FGF14: variants seen among roughly 807,000 people sequenced by gnomAD.
FGF14 encodes the protein fibroblast growth factor homologous factor 4.
In FGF14, 5 loss-of-function variants were observed where a neutral mutation model predicts 25.5. The observed-to-expected ratio is 0.20, with a 90% confidence interval of 0.10 to 0.41. The LOEUF (loss-of-function observed/expected upper bound fraction) is 0.41. Among genes scored for constraint, FGF14 ranks in the 10% least tolerant of loss-of-function variants. The pLI, the probability that FGF14 is intolerant of heterozygous loss-of-function variation, is 1.00. For synonymous variants in FGF14, 138 were observed against 118.3 expected, an observed-to-expected ratio of 1.17 and a Z score of -1.08; for missense variants, 222 against 320.1, an observed-to-expected ratio of 0.69 and a Z score of 2.34.
At chr13:102,004,653 G>GA (rs2039685064) in intron 1 of FGF14, among the ~76,000 whole-genome samples, 1 of 152,140 alleles carries the variant, frequency 6.6e-6, no homozygotes, top group African/African-American at 2.4e-5. Context: ...TGCCTTTGGA[G>GA]AAACAGGCTG....
intron 1 of FGF14, among the ~76,000 whole-genome samples, chr13:101,932,254 G>T (rs1292356947): frequency 6.6e-6 from 1 of 152,090 alleles, no homozygotes; most frequent in Non-Finnish European, 1.5e-5. Context: ...TCCAGGCCGG[G>T]TGCAGTGGCT....
chr13:102,057,885 G>C (rs116830760), intron 1 of FGF14, among the ~76,000 whole-genome samples: 1,626 of 152,252 alleles, frequency 0.011, 39 homozygotes, highest in African/African-American at 0.037. Flanking sequence ...TTCTCCAAGT[G>C]CTGAATGTTG....
At chr13:101,872,065 A>T (rs1445713278) in intron 2 of FGF14, among the ~76,000 whole-genome samples, 1 of 151,836 alleles carries the variant, frequency 6.6e-6, no homozygotes, top group African/African-American at 2.4e-5. Context: ...TCTTTTTTTC[A>T]TTCTAAATAT....
chr13:101,806,473 A>AT lies in FGF14; in HGVS notation c.408+62251_408+62252insA, dbSNP rs1594316999. Among the ~76,000 whole-genome samples the AT allele has an allele frequency of 7.9e-5, 12 of 151,746 alleles. No individual in the cohort carries two copies. The South Asian group carries it at 1.5e-3, about 18-fold the overall frequency. On this transcript the variant is annotated intron_variant, in intron 3 of 4. Coordinates refer to ENST00000376143, the MANE Select transcript of FGF14 (RefSeq NM_004115.4). ...AATATATGTATATGTACATTGAGAA[A>AT]ATTTTTTTTTTTGTTTTCATTCCAA...
chr13:102,268,472 TA>T (rs2053097423), intron 1 of FGF14, among the ~76,000 whole-genome samples: 1 of 152,068 alleles, frequency 6.6e-6, no homozygotes, highest in East Asian at 1.9e-4. Flanking sequence ...AAAAGTTATG[TA>T]AGTTATAATA....
intron 1 of FGF14, among the ~76,000 whole-genome samples, chr13:102,047,522 C>G (rs112531466): frequency 0.04 from 6,131 of 152,188 alleles, 403 homozygotes; most frequent in African/African-American, 0.14. Flanking sequence ...AGTTCACGTC[C>G]TTTGCAGGGA....
chr13:102,149,847 C>T (rs766194093), intron 1 of FGF14, among the ~76,000 whole-genome samples: 1 of 152,156 alleles, frequency 6.6e-6, no homozygotes, highest in Non-Finnish European at 1.5e-5. Context: ...TCCTTTAAAC[C>T]ATCTCTTCTT....
chr13:101,944,958 A>G (rs1182884194), intron 1 of FGF14, among the ~76,000 whole-genome samples: 1 of 152,160 alleles, frequency 6.6e-6, no homozygotes, highest in Non-Finnish European at 1.5e-5. Flanking sequence ...AGTTCTAGAG[A>G]TGAATGGCTG....
chr13:102,083,754 A>C (rs1053782584), intron 1 of FGF14, among the ~76,000 whole-genome samples: 3 of 152,226 alleles, frequency 2.0e-5, no homozygotes, highest in Non-Finnish European at 4.4e-5. Flanking sequence ...CCGCGGGCAC[A>C]CTTTCTTGTG....
intron 1 of FGF14, among the ~76,000 whole-genome samples, chr13:102,359,011 C>A (rs1475078945): frequency 6.6e-6 from 1 of 152,128 alleles, no homozygotes; most frequent in Non-Finnish European, 1.5e-5. Context: ...AGATCATGTC[C>A]TTTGCAGGAA....
chr13:102,014,485 T>G (rs1365964824), intron 1 of FGF14, among the ~76,000 whole-genome samples: 1 of 152,166 alleles, frequency 6.6e-6, no homozygotes, highest in East Asian at 1.9e-4. Context: ...TCATCGCAAG[T>G]GCATTGACTT....
At chr13:102,201,073 C>T (rs2049611399) in intron 1 of FGF14, among the ~76,000 whole-genome samples, 1 of 129,828 alleles carries the variant, frequency 7.7e-6, no homozygotes, top group South Asian at 2.6e-4. Context: ...TGCACTCCAG[C>T]TTGGGCGACA....
intron 1 of FGF14, among the ~76,000 whole-genome samples, chr13:102,376,032 C>T (rs1287835612): frequency 2.0e-5 from 3 of 152,220 alleles, no homozygotes; most frequent in Non-Finnish European, 4.4e-5. Context: ...AATAAAAATG[C>T]GTGGCTGGGC....
rs571626684 is a variant in FGF14 at position 102,361,141 on chromosome 13, T to G, written c.208+40330A>C. 2.6e-5 allele frequency among the ~76,000 whole-genome samples: 4 copies of G among 152,310 alleles called. No individual in the cohort carries two copies. The East Asian group carries it at 7.7e-4, about 29-fold the overall frequency. The stretch of plus-strand genomic sequence containing the variant: ...TATATAATACAGCAATATTAATTGA[T>G]ATGCTCTTTTTTGAGCATCTCATTT... On this transcript the variant is annotated intron_variant, in intron 1 of 4. Transcript: ENST00000376131.
Position 102,128,419 on chromosome 13 carries a change from G to T in FGF14, c.209-253123C>A, listed in dbSNP as rs562734337. The stretch of plus-strand genomic sequence containing the variant: ...CAAGTAGAGGTAGGAGGTCCCCGCG[G>T]TGTTACTGTTAACAGAAAGCTGAAG... On this transcript the variant is annotated intron_variant, in intron 1 of 4. Coordinates refer to the FGF14 transcript ENST00000376131. Among the ~76,000 whole-genome samples, 5 of 152,196 alleles carry T rather than the reference G, an allele frequency of 3.3e-5. No homozygotes were observed. In the South Asian group the frequency reaches 1.0e-3, roughly 32 times the overall value.
intron 1 of FGF14, among the ~76,000 whole-genome samples, chr13:102,265,774 T>TGAG (rs1211861284): frequency 6.6e-6 from 1 of 152,136 alleles, no homozygotes; most frequent in Non-Finnish European, 1.5e-5. Flanking sequence ...ACACTTTACC[T>TGAG]AAGAACTGAA....
At chr13:102,106,918 G>A (rs2044952114) in intron 1 of FGF14, among the ~76,000 whole-genome samples, 1 of 152,180 alleles carries the variant, frequency 6.6e-6, no homozygotes, top group Non-Finnish European at 1.5e-5. Context: ...GTTTGTGAGT[G>A]AGGAAAATTA....
chr13:101,905,587 G>A (rs1376592845), intron 1 of FGF14, among the ~76,000 whole-genome samples: 1 of 152,044 alleles, frequency 6.6e-6, no homozygotes, highest in African/African-American at 2.4e-5. Context: ...AGCATTAGGA[G>A]GAATACCTAA....
chr13:102,105,996 A>C lies in FGF14; in HGVS notation c.209-230700T>G, dbSNP rs141012016. ...TGGTGGTGGATTACAGACTGTAATAAATATATCATTGATTACAGGGTTTCC... is the reference window on the plus strand; with the variant it reads ...TGGTGGTGGATTACAGACTGTAATACATATATCATTGATTACAGGGTTTCC... On this transcript the variant is annotated intron_variant, in intron 1 of 4. Transcript: ENST00000376131. Among the ~76,000 whole-genome samples the C allele has an allele frequency of 5.8e-3, 880 of 152,346 alleles. 6 individuals are homozygous for C. Among genetic ancestry groups the C allele is most frequent in the African/African-American group, 0.018 (747 of 41,576 alleles).
Sources: allele counts gnomAD v4.1 joint callset (sites outside exome capture counted in the v4.1 genomes callset), GRCh38; gene constraint gnomAD v4.1.1; transcripts MANE v1.5; gene names NCBI Gene and HGNC (gene_info 2026-07-23, HGNC 2026-07-21).